ARHGAP12: variants seen among roughly 807,000 people sequenced by gnomAD.
ARHGAP12 encodes the protein Rho GTPase activating protein 12.
In ARHGAP12, 64 loss-of-function variants were observed where a neutral mutation model predicts 108.6. The observed-to-expected ratio is 0.59, with a 90% CI of 0.48 to 0.73. The LOEUF (loss-of-function observed/expected upper bound fraction) is 0.73, where lower values mean the gene tolerates loss of function less well. Among genes scored for constraint, ARHGAP12 ranks in the 30% least tolerant of loss-of-function variants. The pLI, the probability that ARHGAP12 is intolerant of heterozygous loss-of-function variation, is 0.00. For missense variants in ARHGAP12, 940 were observed against 1,005.9 expected, an observed-to-expected ratio of 0.93 and a Z score of 0.89; for synonymous variants, 312 against 337.2, an observed-to-expected ratio of 0.93 and a Z score of 0.82.
At chr10:31,857,453 G>C (rs973161456) in intron 4 of ARHGAP12, among the ~76,000 whole-genome samples, 2 of 152,176 alleles carry the variant, frequency 1.3e-5, no homozygotes, top group East Asian at 1.9e-4. Flanking sequence ...GATGAACAGC[G>C]TGAGGTTAAA....
chr10:31,916,315 CCT>C (rs1839553518), intron 1 of ARHGAP12, among the ~76,000 whole-genome samples: 2 of 152,168 alleles, frequency 1.3e-5, no homozygotes, highest in Admixed American at 1.3e-4. Flanking sequence ...CTTCCTCCTC[CCT>C]TTTTCCACGT....
At position 31,877,027 on chromosome 10, in the gene ARHGAP12, T is replaced by A. The variant is rs574481120; in HGVS notation, c.685-15369A>T. The stretch of plus-strand genomic sequence containing the variant: ...CACTTGAGACATGTGTCAGCTCCTT[T>A]TGGTCCCAAATGCTTGTTCTTTTTC... On this transcript the variant is annotated intron_variant, in intron 3 of 19. Transcript: ENST00000344936. Among the ~76,000 whole-genome samples, 14 of 152,346 alleles carry A rather than the reference T, an allele frequency of 9.2e-5. 1 individual carries two copies. Among genetic ancestry groups the A allele is most frequent in the African/African-American group, 3.4e-4 (14 of 41,584 alleles).
Position 31,908,260 on chromosome 10 carries a change from C to T in ARHGAP12, c.596G>A (p.Cys199Tyr). Residue 199 changes from cysteine to tyrosine, a missense_variant, in exon 3 of 20, where the codon TGT becomes TAT. Physicochemically the swap from Cys to Tyr is radical, Grantham distance 194 (BLOSUM62 -2). Transcript: ENST00000344936. Reference sequence around the variant, plus strand: ...TTCAGAGCCTTCTCCTGCGGAATCACAAGATTGTTCCTGGGAGAAGCTAGT... The same window carrying T: ...TTCAGAGCCTTCTCCTGCGGAATCATAAGATTGTTCCTGGGAGAAGCTAGT... ...EKTSFSQEQS[C>Y]DSAGEGSERI... The T allele has an allele frequency of 1.2e-6, 2 of 1,614,056 alleles. No homozygotes were observed. Among genetic ancestry groups the T allele is most frequent in the Non-Finnish European group, 1.7e-6 (2 of 1,180,028 alleles).
At chr10:31,848,228 C>G (rs1836536331) in intron 6 of ARHGAP12, among the ~76,000 whole-genome samples, 1 of 152,162 alleles carries the variant, frequency 6.6e-6, no homozygotes, top group African/African-American at 2.4e-5. Context: ...AACAAAGAAC[C>G]TAATACTAGA....
Position 31,812,744 on chromosome 10 carries a change from G to A in ARHGAP12, c.1914C>T (p.Pro638=), listed in dbSNP as rs149921157. 7.5e-6 allele frequency: 12 copies of A among 1,608,194 alleles called. No homozygotes were observed. The African/African-American group carries it at 1.2e-4, about 16-fold the overall frequency. Residue 638 remains proline, a synonymous_variant, in exon 15 of 20, where the codon CCC becomes CCT. Coordinates refer to ENST00000344936, the MANE Select transcript of ARHGAP12 (RefSeq NM_018287.7). ...CTTTTTCACGAACAGCTTGCAAAGT[G>A]GGGCGTCGTGTAAGAAACTTCTTTA... ...KNLKKFLTRR[P]TLQAVREKGY...
chr10:31,840,296 GA>G (rs35632944), intron 7 of ARHGAP12, among the ~76,000 whole-genome samples: 4 of 147,114 alleles, frequency 2.7e-5, no homozygotes, highest in East Asian at 2.0e-4. Context: ...TAACTCCCCA[GA>G]AAAAAAAATT....
intron 3 of ARHGAP12, among the ~76,000 whole-genome samples, chr10:31,876,335 T>G (rs1302438905): frequency 6.6e-6 from 1 of 152,070 alleles, no homozygotes; most frequent in Non-Finnish European, 1.5e-5. Context: ...CTGGCCAACA[T>G]GGCAAAACCC....
intron 1 of ARHGAP12, among the ~76,000 whole-genome samples, chr10:31,925,279 T>C (rs955281068): frequency 6.6e-6 from 1 of 152,216 alleles, no homozygotes; most frequent in African/African-American, 2.4e-5. Context: ...AAGTGATTAA[T>C]AATCTAGATC....
At chr10:31,841,402 G>A (rs1836260381) in intron 7 of ARHGAP12, among the ~76,000 whole-genome samples, 2 of 152,090 alleles carry the variant, frequency 1.3e-5, no homozygotes, top group African/African-American at 2.4e-5. Context: ...TTAAGGTGAT[G>A]GGAAAGTGAT....
intron 3 of ARHGAP12, among the ~76,000 whole-genome samples, chr10:31,866,008 T>G (rs956644412): frequency 7.2e-5 from 11 of 152,190 alleles, no homozygotes; most frequent in Non-Finnish European, 1.6e-4. Flanking sequence ...GCTGTTGCTT[T>G]ATGAATTAAA....
At chr10:31,912,599 G>A (rs1839399556) in intron 1 of ARHGAP12, among the ~76,000 whole-genome samples, 1 of 152,200 alleles carries the variant, frequency 6.6e-6, no homozygotes, top group Non-Finnish European at 1.5e-5. Context: ...AAGGCAATGA[G>A]AAGTAGGAGG....
intron 3 of ARHGAP12, among the ~76,000 whole-genome samples, chr10:31,868,668 A>C (rs1279284812): frequency 1.3e-5 from 2 of 151,746 alleles, no homozygotes; most frequent in African/African-American, 4.8e-5. Flanking sequence ...AGGTGTGGTG[A>C]CTTACACCTC....
intron 3 of ARHGAP12, among the ~76,000 whole-genome samples, chr10:31,879,438 G>A (rs1339617744): frequency 6.6e-6 from 1 of 152,026 alleles, no homozygotes; most frequent in Non-Finnish European, 1.5e-5. Flanking sequence ...TTTAACTATG[G>A]ATATGATTAT....
chr10:31,906,409 G>C (rs1318413959), intron 3 of ARHGAP12, among the ~76,000 whole-genome samples: 1 of 152,142 alleles, frequency 6.6e-6, no homozygotes, highest in Non-Finnish European at 1.5e-5. Flanking sequence ...ACACACAGAG[G>C]TTCAGTGATT....
At chr10:31,837,462 ATATAATAACTTGCACT>A (rs1393201198) in intron 9 of ARHGAP12, among the ~76,000 whole-genome samples, 1 of 152,244 alleles carries the variant, frequency 6.6e-6, no homozygotes, top group Non-Finnish European at 1.5e-5. Flanking sequence ...CTAGAAGTAC[ATATAATAACTTGCACT>A]TATTCAATGC....
chr10:31,825,551 T>C (rs1029307617), intron 11 of ARHGAP12, among the ~76,000 whole-genome samples: 1 of 152,110 alleles, frequency 6.6e-6, no homozygotes, highest in African/African-American at 2.4e-5. Context: ...CTGTAAGACC[T>C]TGAACAAATT....
chr10:31,826,040 A>G (rs552588241), intron 11 of ARHGAP12, among the ~76,000 whole-genome samples: 2 of 152,332 alleles, frequency 1.3e-5, no homozygotes, highest in East Asian at 3.9e-4. Context: ...TATTTTCTCT[A>G]TAATGCCCAA....
chr10:31,882,165 C>T (rs1460216793), intron 3 of ARHGAP12, among the ~76,000 whole-genome samples: 4 of 152,024 alleles, frequency 2.6e-5, no homozygotes, highest in Non-Finnish European at 5.9e-5. Flanking sequence ...CCGCCCGCCT[C>T]GGCCTCCCAA....
intron 6 of ARHGAP12, among the ~76,000 whole-genome samples, chr10:31,846,676 G>T (rs1003929187): frequency 2.0e-5 from 3 of 152,054 alleles, no homozygotes; most frequent in African/African-American, 4.8e-5. Context: ...CAGAAATTTT[G>T]AATACAATGA....
Sources: gnomAD v4.1 joint callset for allele counts (sites outside exome capture counted in the v4.1 genomes callset) on GRCh38, gnomAD v4.1.1 for gene constraint, MANE v1.5 for transcripts, NCBI Gene and HGNC (gene_info 2026-07-23, HGNC 2026-07-21) for gene names.